SERGEF: variants seen among roughly 807,000 people sequenced by gnomAD.
The protein encoded by SERGEF is secretion-regulating guanine nucleotide exchange factor.
In SERGEF, 51 loss-of-function variants were observed where a neutral mutation model predicts 50.0. The ratio of observed to expected loss-of-function variants is 1.02; its 90% confidence interval spans 0.81 to 1.29. The LOEUF is 1.29. SERGEF is among the 50% of genes most tolerant of loss of function. The pLI is 0.00. For missense variants in SERGEF, 521 were observed against 557.0 expected (o/e 0.94, Z 0.65); for synonymous variants, 205 against 212.4 (o/e 0.97, Z 0.30).
In SERGEF at chr11:17,900,620, G is replaced by A. The variant is rs781406545; in HGVS notation, c.1012-22376C>T. Among the ~76,000 whole-genome samples, 48 of 152,222 alleles carry A rather than the reference G, an allele frequency of 3.2e-4. 1 individual carries two copies. The highest frequency in any genetic ancestry group is 4.1e-4 in the Non-Finnish European group (28 of 68,012). On this transcript the variant is annotated intron_variant, in intron 9 of 10. Transcript: ENST00000265965. ...CAGTGACCCTACCTAGGGGATTAGC[G>A]GAGAAGTACAACATACTTCTGACAA...
At chr11:17,866,513 C>G (rs1851025632) in intron 10 of SERGEF, among the ~76,000 whole-genome samples, 1 of 152,072 alleles carries the variant, frequency 6.6e-6, no homozygotes, top group South Asian at 2.1e-4. Context: ...CATATCCCCC[C>G]TTTTTGAGAG....
intron 10 of SERGEF, among the ~76,000 whole-genome samples, chr11:17,867,817 T>C (rs1851061474): frequency 6.6e-6 from 1 of 152,218 alleles, no homozygotes; most frequent in African/African-American, 2.4e-5. Context: ...CTCGACACCA[T>C]GTGGAAGCTG....
chr11:17,934,368 C>A (rs911553483), intron 9 of SERGEF, among the ~76,000 whole-genome samples: 1 of 152,136 alleles, frequency 6.6e-6, no homozygotes, highest in Non-Finnish European at 1.5e-5. Context: ...CAGAGCTAGA[C>A]AAATATTAGC....
intron 10 of SERGEF, among the ~76,000 whole-genome samples, chr11:17,839,579 T>G (rs1850464215): frequency 1.3e-5 from 2 of 152,158 alleles, no homozygotes; most frequent in South Asian, 4.1e-4. Flanking sequence ...AAGGACAGCG[T>G]GTCCCAGCCT....
intron 2 of SERGEF, among the ~76,000 whole-genome samples, chr11:18,007,046 C>A (rs1270786020): frequency 3.3e-5 from 5 of 152,222 alleles, no homozygotes; most frequent in Non-Finnish European, 7.3e-5. Flanking sequence ...GTGCCAGGTA[C>A]TGTTTTAAGA....
intron 9 of SERGEF, among the ~76,000 whole-genome samples, chr11:17,913,763 T>C (rs1263417350): frequency 6.6e-6 from 1 of 152,024 alleles, no homozygotes; most frequent in East Asian, 1.9e-4. Context: ...GACCTGTGGC[T>C]GCAGTGTAGG....
intron 10 of SERGEF, among the ~76,000 whole-genome samples, chr11:17,833,782 G>C (rs1850355318): frequency 6.6e-6 from 1 of 152,218 alleles, no homozygotes; most frequent in South Asian, 2.1e-4. Flanking sequence ...TTCTGGACTT[G>C]CATGGGGCCT....
chr11:17,915,882 G>T lies in SERGEF; in HGVS notation c.1012-37638C>A, dbSNP rs75826630. ...GGCTACATGGGAAAGGCTAGGCAAA[G>T]AAGCCAGTGGCTGGAAAACCAGGGA... On this transcript the variant is annotated intron_variant, in intron 9 of 10. Transcript: ENST00000265965. Among the ~76,000 whole-genome samples, 1,153 of 152,336 alleles carry T rather than the reference G, an allele frequency of 7.6e-3. 36 individuals carry two copies. The East Asian group carries it at 0.12, about 15-fold the overall frequency.
chr11:17,992,049 C>T (rs914600046), intron 7 of SERGEF, among the ~76,000 whole-genome samples: 1 of 152,140 alleles, frequency 6.6e-6, no homozygotes. Context: ...CAAGAAAATG[C>T]TGCATTGCCT....
intron 8 of SERGEF, among the ~76,000 whole-genome samples, chr11:17,975,032 T>C (rs1853340236): frequency 6.6e-6 from 1 of 152,194 alleles, no homozygotes; most frequent in Non-Finnish European, 1.5e-5. Context: ...GGAATGTGGC[T>C]GGGAAGCAGT....
intron 9 of SERGEF, among the ~76,000 whole-genome samples, chr11:17,882,290 G>A (rs908792340): frequency 6.6e-6 from 1 of 151,918 alleles, no homozygotes; most frequent in Non-Finnish European, 1.5e-5. Context: ...GTGGTGGCGG[G>A]TGCCTATGAT....
intron 8 of SERGEF, among the ~76,000 whole-genome samples, chr11:17,985,617 T>C (rs1306951192): frequency 6.6e-6 from 1 of 152,166 alleles, no homozygotes; most frequent in Non-Finnish European, 1.5e-5. Context: ...CAGGTACCCT[T>C]GCCAACTCTC....
chr11:17,888,691 A>G lies in SERGEF; in HGVS notation c.1012-10447T>C, dbSNP rs958963919. On this transcript the variant is annotated intron_variant, in intron 9 of 10. Transcript: ENST00000265965. The surrounding 1 kb of genome is among the most constrained non-coding windows in gnomAD (Gnocchi z 4.1). Reference sequence around the variant, plus strand: ...CACACACACACACGCATTGAGTTAAACCAACATGAAATTGCCCAGCAGCAC... The same window carrying G: ...CACACACACACACGCATTGAGTTAAGCCAACATGAAATTGCCCAGCAGCAC... Among the ~76,000 whole-genome samples, 2 of 151,376 alleles carry G rather than the reference A, an allele frequency of 1.3e-5. No homozygotes were observed. Among genetic ancestry groups the G allele is most frequent in the African/African-American group, 4.9e-5 (2 of 41,086 alleles).
At position 17,823,520 on chromosome 11, in the gene SERGEF, G is replaced by T. The variant is rs151017726; in HGVS notation, c.1049-35107C>A. Among the ~76,000 whole-genome samples the T allele has an allele frequency of 5.5e-3, 830 of 152,234 alleles. 9 individuals are homozygous for T. Among genetic ancestry groups the T allele is most frequent in the African/African-American group, 0.019 (788 of 41,550 alleles). On this transcript the variant is annotated intron_variant, in intron 10 of 10. Transcript: ENST00000265965. ...GTGTCAAAGGACATCCCAAGTAGAGGGAACTGCAATGTAGGTAAGTGCAGG... is the reference window on the plus strand; with the variant it reads ...GTGTCAAAGGACATCCCAAGTAGAGTGAACTGCAATGTAGGTAAGTGCAGG...
chr11:17,950,475 G>C (rs981294226), intron 9 of SERGEF, among the ~76,000 whole-genome samples: 11 of 152,202 alleles, frequency 7.2e-5, no homozygotes, highest in Non-Finnish European at 1.6e-4. Context: ...TAAAGAAAAA[G>C]AGCATAGTGC....
chr11:17,839,035 G>C (rs888637009), intron 10 of SERGEF, among the ~76,000 whole-genome samples: 2 of 152,232 alleles, frequency 1.3e-5, no homozygotes, highest in Non-Finnish European at 2.9e-5. Flanking sequence ...CCCACAGGGA[G>C]GCTAGGCAGA....
At chr11:17,943,347 C>T (rs1852596821) in intron 9 of SERGEF, among the ~76,000 whole-genome samples, 1 of 152,074 alleles carries the variant, frequency 6.6e-6, no homozygotes, top group Non-Finnish European at 1.5e-5. Flanking sequence ...ATCTAAGTTG[C>T]TGAATTTATA....
At chr11:17,911,414 T>C (rs1388041807) in intron 9 of SERGEF, among the ~76,000 whole-genome samples, 2 of 148,998 alleles carry the variant, frequency 1.3e-5, no homozygotes, top group African/African-American at 4.9e-5. Flanking sequence ...CACACACACA[T>C]ATATTTAATG....
At chr11:17,922,474 T>C (rs1488353725) in intron 9 of SERGEF, among the ~76,000 whole-genome samples, 6 of 152,114 alleles carry the variant, frequency 3.9e-5, no homozygotes, top group African/African-American at 1.2e-4. Context: ...GCAGAAAACA[T>C]TGGGGTTTTT....
Sources: gnomAD v4.1 joint callset for allele counts (sites outside exome capture counted in the v4.1 genomes callset) on GRCh38, gnomAD v4.1.1 for gene constraint, Gnocchi (gnomAD v3.1) non-coding constraint, MANE v1.5 for transcripts, NCBI Gene and HGNC (gene_info 2026-07-23, HGNC 2026-07-21) for gene names.